The following GOLIM4 variants were observed in gnomAD, a reference collection of about 807,000 sequenced individuals.
GOLIM4 encodes the protein golgi integral membrane protein 4.
In GOLIM4, 71 loss-of-function variants were observed where a neutral mutation model predicts 107.4. That is an observed-to-expected ratio of 0.66 (90% CI 0.55 to 0.81). GOLIM4 has a LOEUF of 0.81. GOLIM4 is among the 30% of genes least tolerant of loss of function. The pLI, the probability that GOLIM4 is intolerant of heterozygous loss-of-function variation, is 0.00. For missense variants in GOLIM4, 830 were observed against 826.1 expected (o/e 1.00, Z -0.06); for synonymous variants, 327 against 294.8 (o/e 1.11, Z -1.12).
At chr3:168,034,854 C>T (rs539204243) in intron 8 of GOLIM4, among the ~76,000 whole-genome samples, 1 of 152,306 alleles carries the variant, frequency 6.6e-6, no homozygotes, top group East Asian at 1.9e-4. Context: ...TGCCTGCTGC[C>T]ATCCATGGAA....
intron 7 of GOLIM4, among the ~76,000 whole-genome samples, chr3:168,038,972 A>G (rs2108240454): frequency 6.6e-6 from 1 of 152,304 alleles, no homozygotes; most frequent in African/African-American, 2.4e-5. Flanking sequence ...GGAGAATTCA[A>G]CAGTCTGCAA....
intron 1 of GOLIM4, among the ~76,000 whole-genome samples, chr3:168,091,394 T>C (rs1403256323): frequency 9.2e-5 from 14 of 152,168 alleles, no homozygotes; most frequent in Admixed American, 9.2e-4. Context: ...ACATAATTAT[T>C]ACCTTAGCAG....
chr3:168,075,153 G>C (rs1444717219), intron 1 of GOLIM4, among the ~76,000 whole-genome samples: 2 of 151,852 alleles, frequency 1.3e-5, no homozygotes, highest in African/African-American at 4.8e-5. Flanking sequence ...TAATAAAACA[G>C]AGATGAGAAA....
intron 1 of GOLIM4, among the ~76,000 whole-genome samples, chr3:168,060,865 T>C (rs1405795100): frequency 6.6e-6 from 1 of 152,150 alleles, no homozygotes; most frequent in Admixed American, 6.5e-5. Flanking sequence ...GAAAGGTGGA[T>C]AATAACAGCA....
intron 14 of GOLIM4, among the ~76,000 whole-genome samples, chr3:168,013,784 T>C (rs547185530): frequency 0.014 from 2,136 of 150,822 alleles, 25 homozygotes; most frequent in Middle Eastern, 0.046. Context: ...TGCTCCTGAA[T>C]GACTACTGGG....
At chr3:168,025,612 CA>C (rs1717949869) in intron 12 of GOLIM4, among the ~76,000 whole-genome samples, 1 of 152,034 alleles carries the variant, frequency 6.6e-6, no homozygotes, top group Non-Finnish European at 1.5e-5. Flanking sequence ...GAAAAGGAGA[CA>C]AGAAAAAGGC....
At position 168,078,731 on chromosome 3, in the gene GOLIM4, T is replaced by C. The variant is rs372990205; in HGVS notation, c.187+16368A>G. On this transcript the variant is annotated intron_variant, in intron 1 of 15. Coordinates refer to ENST00000470487, the MANE Select transcript of GOLIM4 (RefSeq NM_014498.5). Reference sequence around the variant, plus strand: ...TAACAAAAGGTAATTGGTGGGTCTGTTGTTATTGTATTTTTATAAATAAAT... The same window carrying C: ...TAACAAAAGGTAATTGGTGGGTCTGCTGTTATTGTATTTTTATAAATAAAT... Among the ~76,000 whole-genome samples the C allele has an allele frequency of 5.3e-5, 8 of 152,306 alleles. No homozygotes were observed. The East Asian group carries it at 1.5e-3, about 29-fold the overall frequency.
chr3:168,088,323 G>A (rs1721727645), intron 1 of GOLIM4, among the ~76,000 whole-genome samples: 2 of 152,246 alleles, frequency 1.3e-5, no homozygotes, highest in South Asian at 4.1e-4. Context: ...ACTAGATGTA[G>A]TAAAGGCTGG....
intron 8 of GOLIM4, among the ~76,000 whole-genome samples, chr3:168,034,860 TG>T (rs1718554151): frequency 6.6e-6 from 1 of 152,220 alleles, no homozygotes; most frequent in South Asian, 2.1e-4. Context: ...CTGCCATCCA[TG>T]GAAGATGGGA....
chr3:168,068,680 A>G (rs908537338), intron 1 of GOLIM4, among the ~76,000 whole-genome samples: 2 of 152,012 alleles, frequency 1.3e-5, no homozygotes, highest in Non-Finnish European at 2.9e-5. Flanking sequence ...AAAACAAAAC[A>G]ACTTAGATTT....
chr3:168,030,422 G>A (rs1013998988), intron 9 of GOLIM4, among the ~76,000 whole-genome samples: 14 of 149,432 alleles, frequency 9.4e-5, no homozygotes, highest in Admixed American at 2.0e-4. Context: ...CTTATGCTAC[G>A]CCTAAGGCTT....
At chr3:168,045,236 C>T (rs117228131) in intron 3 of GOLIM4, among the ~76,000 whole-genome samples, 12 of 152,132 alleles carry the variant, frequency 7.9e-5, no homozygotes, top group East Asian at 7.7e-4. Flanking sequence ...CTAATATATG[C>T]GCTGGGTGCT....
At chr3:168,021,319 A>G (rs754362008) in intron 14 of GOLIM4, among the ~76,000 whole-genome samples, 2 of 152,226 alleles carry the variant, frequency 1.3e-5, no homozygotes, top group Non-Finnish European at 2.9e-5. Flanking sequence ...GCCTTCAGCA[A>G]CATTAGCTAT....
chr3:168,095,375 T>G lies in GOLIM4; in HGVS notation c.-90A>C, dbSNP rs1418172286. On this transcript the variant is annotated 5_prime_UTR_variant, in exon 1 of 16. Coordinates refer to ENST00000470487, the MANE Select transcript of GOLIM4 (RefSeq NM_014498.5). ...TCTCAGCAGCGGCCGCCGCAGTAGG[T>G]GGCCAGACGCAGCATGAGGAGGAGA... 1.8e-6 allele frequency: 2 copies of G among 1,086,988 alleles called. No homozygotes were observed. Among genetic ancestry groups the G allele is most frequent in the East Asian group, 2.8e-5 (1 of 36,282 alleles). 67.3% of individuals were successfully genotyped at this position (1,086,988 alleles called of 1,614,324 possible). A position where few individuals can be genotyped will look rare whatever the true frequency, so the allele number is the denominator to read the frequency against.
chr3:168,033,606 CAAAAAAAAAAAAAAAAAAAAAA>C (rs61728774), intron 8 of GOLIM4, among the ~76,000 whole-genome samples: 1,638 of 31,584 alleles, frequency 0.052, 102 homozygotes, highest in African/African-American at 0.14. Flanking sequence ...GACTCCGTCT[CAAAAAAAAAAAAAAAAAAAAAA>C]AAAAAAAAAA....
intron 1 of GOLIM4, among the ~76,000 whole-genome samples, chr3:168,088,536 A>C (rs1029801393): frequency 6.6e-6 from 1 of 152,236 alleles, no homozygotes; most frequent in Non-Finnish European, 1.5e-5. Context: ...TGCCTGCTCA[A>C]GGTCACCCTG....
chr3:168,029,939 T>C lies in GOLIM4; in HGVS notation c.1274A>G (p.Gln425Arg). 3 of 1,614,216 alleles carry C rather than the reference T, an allele frequency of 1.9e-6. No individual in the cohort carries two copies. The South Asian group carries it at 3.3e-5, about 18-fold the overall frequency. ...AGCTTCCTGGTGTTCCCGCAGCTGCTGGGCCTCCTCCACCTGCTGCACTGC... is the reference window on the plus strand; with the variant it reads ...AGCTTCCTGGTGTTCCCGCAGCTGCCGGGCCTCCTCCACCTGCTGCACTGC... ...RLAVQQVEEA[Q>R]QLREHQEALH... Residue 425 changes from glutamine to arginine, a missense_variant, in exon 10 of 16, where the codon CAG becomes CGG. Physicochemically the swap from Gln to Arg is conservative, Grantham distance 43. Transcript: ENST00000470487.
intron 1 of GOLIM4, among the ~76,000 whole-genome samples, chr3:168,052,657 CCTTT>C (rs1719722250): frequency 1.3e-5 from 2 of 152,182 alleles, no homozygotes; most frequent in African/African-American, 2.4e-5. Context: ...ATACGCACTA[CCTTT>C]CTTTCTTTTA....
chr3:168,022,519 A>G (rs1717760864), intron 14 of GOLIM4, among the ~76,000 whole-genome samples: 1 of 152,136 alleles, frequency 6.6e-6, no homozygotes, highest in Non-Finnish European at 1.5e-5. Context: ...CTTTGTCTCT[A>G]TCACTAGTGC....
Sources: gnomAD v4.1 joint callset for allele counts (sites outside exome capture counted in the v4.1 genomes callset) on GRCh38, gnomAD v4.1.1 for gene constraint, MANE v1.5 for transcripts, NCBI Gene and HGNC (gene_info 2026-07-23, HGNC 2026-07-21) for gene names.